RABGEF1: variants seen among roughly 807,000 people sequenced by gnomAD.
RABGEF1 encodes the protein RAB guanine nucleotide exchange factor 1.
Under a neutral mutation model 57.3 loss-of-function variants are expected in RABGEF1, and 26 were observed. The ratio of observed to expected loss-of-function variants is 0.45; its 90% CI spans 0.33 to 0.63. RABGEF1 has a LOEUF of 0.63. RABGEF1 is among the 20% of genes least tolerant of loss of function. RABGEF1 has a pLI of 0.02. For missense variants in RABGEF1, 464 were observed against 607.6 expected (o/e 0.76, Z 2.48); for synonymous variants, 185 against 210.7 (o/e 0.88, Z 1.06).
intron 2 of RABGEF1, among the ~76,000 whole-genome samples, chr7:66,730,627 C>G (rs1797210821): frequency 6.7e-6 from 1 of 149,328 alleles, no homozygotes; most frequent in South Asian, 2.1e-4. Flanking sequence ...GGTACAGTCT[C>G]GGCTCACTGC....
chr7:66,741,143 C>T (rs1391211767), intron 1 of RABGEF1, among the ~76,000 whole-genome samples: 1 of 152,188 alleles, frequency 6.6e-6, no homozygotes, highest in African/African-American at 2.4e-5. Context: ...CGGCTCCCAC[C>T]TTCCGTCCAG....
the RABGEF1 span, among the ~76,000 whole-genome samples, chr7:66,672,438 A>C: frequency 6.6e-6 from 1 of 152,194 alleles, no homozygotes; most frequent in Non-Finnish European, 1.5e-5. Flanking sequence ...TCTCAAACAA[A>C]CAAACAAAAA....
chr7:66,786,320 C>T (rs1454343683), intron 4 of RABGEF1, among the ~76,000 whole-genome samples: 2 of 152,234 alleles, frequency 1.3e-5, no homozygotes, highest in African/African-American at 2.4e-5. Context: ...TAAATTTCAG[C>T]ACCTACGTAA....
intron 2 of RABGEF1, among the ~76,000 whole-genome samples, chr7:66,713,581 G>A (rs1014406796): frequency 6.6e-6 from 1 of 152,202 alleles, no homozygotes; most frequent in Non-Finnish European, 1.5e-5. Context: ...CGATGAGAAT[G>A]AACATCCTTA....
upstream of RABGEF1, among the ~76,000 whole-genome samples, chr7:66,678,607 A>G (rs539505609): frequency 6.6e-6 from 1 of 150,546 alleles, no homozygotes; most frequent in African/African-American, 2.4e-5. Context: ...CAGTGGACCC[A>G]GGGAGGGAGA....
At chr7:66,654,844 C>T in the RABGEF1 span, among the ~76,000 whole-genome samples, 3 of 152,384 alleles carry the variant, frequency 2.0e-5, no homozygotes, top group African/African-American at 7.2e-5. Flanking sequence ...TCCCTTAATC[C>T]TCACAGTGCG....
chr7:66,718,300 A>G (rs1304453585), intron 2 of RABGEF1, among the ~76,000 whole-genome samples: 4 of 152,192 alleles, frequency 2.6e-5, no homozygotes, highest in Non-Finnish European at 5.9e-5. Flanking sequence ...AGCTGAGAAC[A>G]TGCCACTGCA....
At chr7:66,793,976 A>G (rs753841111) in intron 4 of RABGEF1, among the ~76,000 whole-genome samples, 10 of 152,108 alleles carry the variant, frequency 6.6e-5, no homozygotes, top group Non-Finnish European at 1.3e-4. Context: ...TCCTTATGAG[A>G]ACCGTTGGGA....
upstream of RABGEF1, among the ~76,000 whole-genome samples, chr7:66,678,548 G>C (rs1176285881): frequency 1.6e-5 from 2 of 124,288 alleles, no homozygotes; most frequent in African/African-American, 3.2e-5. Flanking sequence ...CTGGGTGACA[G>C]AGTGAGAGTC....
At chr7:66,721,310 C>G (rs143912119) in intron 2 of RABGEF1, among the ~76,000 whole-genome samples, 1 of 152,212 alleles carries the variant, frequency 6.6e-6, no homozygotes, top group Non-Finnish European at 1.5e-5. Context: ...TACTGCTACT[C>G]TAACATATGC....
intron 4 of RABGEF1, among the ~76,000 whole-genome samples, chr7:66,786,539 G>A (rs2129147417): frequency 6.6e-6 from 1 of 152,192 alleles, no homozygotes; most frequent in Middle Eastern, 3.4e-3. Context: ...GAGTAGCTGG[G>A]ACTAGTGGCA....
the RABGEF1 span, among the ~76,000 whole-genome samples, chr7:66,657,232 A>G: frequency 1.3e-5 from 2 of 152,238 alleles, no homozygotes; most frequent in African/African-American, 2.4e-5. Context: ...CAGAGTATAC[A>G]GTGTATTAGG....
the RABGEF1 span, among the ~76,000 whole-genome samples, chr7:66,670,427 GA>G: frequency 7.1e-6 from 1 of 141,416 alleles, no homozygotes; most frequent in African/African-American, 2.6e-5. Flanking sequence ...CTTATTGAAT[GA>G]GATGATTTTT....
upstream of RABGEF1, among the ~76,000 whole-genome samples, chr7:66,738,299 G>A (rs1266064658): frequency 6.6e-6 from 1 of 152,090 alleles, no homozygotes; most frequent in Non-Finnish European, 1.5e-5. Flanking sequence ...GATTACAGGC[G>A]TGAGCCACCA....
chr7:66,773,080 TTTG>T (rs1425325458), intron 2 of RABGEF1, among the ~76,000 whole-genome samples: 16 of 106,194 alleles, frequency 1.5e-4, no homozygotes, highest in East Asian at 7.0e-4. Context: ...TAGCTAGTTG[TTTG>T]TTTTTTTTTT....
intron 4 of RABGEF1, among the ~76,000 whole-genome samples, chr7:66,793,510 A>G (rs1336955714): frequency 6.6e-6 from 1 of 152,210 alleles, no homozygotes; most frequent in Admixed American, 6.5e-5. Flanking sequence ...GAATGCTCAA[A>G]TCTGTAGTAA....
chr7:66,756,925 T>C (rs1214616073), intron 1 of RABGEF1, among the ~76,000 whole-genome samples: 1 of 152,234 alleles, frequency 6.6e-6, no homozygotes, highest in African/African-American at 2.4e-5. Context: ...TGAGTCAGTG[T>C]ATCCTGTAGT....
intron 1 of RABGEF1, among the ~76,000 whole-genome samples, chr7:66,764,055 C>T (rs1193160622): frequency 6.6e-6 from 1 of 152,212 alleles, no homozygotes; most frequent in African/African-American, 2.4e-5. Context: ...TGCCAGACTT[C>T]TCCACAATGG....
At chr7:66,721,611 C>T (rs189907988) in intron 2 of RABGEF1, among the ~76,000 whole-genome samples, 1 of 152,092 alleles carries the variant, frequency 6.6e-6, no homozygotes, top group African/African-American at 2.4e-5. Flanking sequence ...CTGCCTCCCC[C>T]CTTATGAGAA....
Sources: gnomAD v4.1 joint callset for allele counts (sites outside exome capture counted in the v4.1 genomes callset) on GRCh38, gnomAD v4.1.1 for gene constraint, MANE v1.5 for transcripts, NCBI Gene and HGNC (gene_info 2026-07-23, HGNC 2026-07-21) for gene names.